The following FGF12 variants were observed in gnomAD, a reference collection of about 807,000 sequenced individuals.
The protein encoded by FGF12 is fibroblast growth factor 12.
Under a neutral mutation model 23.6 loss-of-function variants are expected in FGF12, and 14 were observed. That is an observed-to-expected ratio of 0.59 (90% CI 0.39 to 0.93). The LOEUF is 0.93. Among genes scored for constraint, FGF12 ranks in the 40% least tolerant of loss-of-function variants. The pLI is 0.00. For missense variants in FGF12, 175 were observed against 217.8 expected (o/e 0.80, Z 1.24); for synonymous variants, 62 against 77.3 (o/e 0.80, Z 1.04).
chr3:192,553,896 T>C (rs911323606), intron 2 of FGF12, among the ~76,000 whole-genome samples: 2 of 152,108 alleles, frequency 1.3e-5, no homozygotes, highest in African/African-American at 4.8e-5. Flanking sequence ...ACAAAAGTAA[T>C]GGTTTAGACT....
chr3:192,658,064 C>A (rs1716511600), intron 2 of FGF12, among the ~76,000 whole-genome samples: 1 of 151,874 alleles, frequency 6.6e-6, no homozygotes, highest in Non-Finnish European at 1.5e-5. Context: ...AAAAACAGTA[C>A]ACTGACAGAG....
chr3:192,712,964 G>A lies in FGF12; in HGVS notation c.13+14217C>T, dbSNP rs149833055. On this transcript the variant is annotated intron_variant, in intron 2 of 5. Coordinates refer to ENST00000445105, the MANE Select transcript of FGF12 (RefSeq NM_004113.6). ...ACGATGAAATTGATAGAATATCTGT[G>A]CATCTGAGTGTCTTCAGATGAGATT... is the stretch of plus-strand genomic sequence containing the variant. Among the ~76,000 whole-genome samples, 10 of 152,268 alleles carry A rather than the reference G, an allele frequency of 6.6e-5. 1 individual carries two copies. The East Asian group carries it at 1.9e-3, about 29-fold the overall frequency.
At chr3:192,526,896 C>A (rs1410287819) in intron 2 of FGF12, among the ~76,000 whole-genome samples, 1 of 152,068 alleles carries the variant, frequency 6.6e-6, no homozygotes, top group Non-Finnish European at 1.5e-5. Flanking sequence ...AATGACACAC[C>A]TACCACATGG....
intron 2 of FGF12, among the ~76,000 whole-genome samples, chr3:192,464,757 C>G (rs577682937): frequency 6.6e-6 from 1 of 152,210 alleles, no homozygotes; most frequent in African/African-American, 2.4e-5. Context: ...AACTGGATTA[C>G]AGCTTTTTCC....
intron 2 of FGF12, among the ~76,000 whole-genome samples, chr3:192,466,785 T>TTGTTTCAACTCA (rs1354199823): frequency 6.6e-6 from 1 of 152,042 alleles, no homozygotes; most frequent in African/African-American, 2.4e-5. Context: ...ACTCACAGGG[T>TTGTTTCAACTCA]ATGGAAGAGT....
At chr3:192,195,968 A>G (rs1717047132) in intron 4 of FGF12, among the ~76,000 whole-genome samples, 1 of 152,080 alleles carries the variant, frequency 6.6e-6, no homozygotes, top group Non-Finnish European at 1.5e-5. Flanking sequence ...AACTCCTCCC[A>G]TCTAACTGTA....
intron 4 of FGF12, among the ~76,000 whole-genome samples, chr3:192,221,043 G>T (rs1399585656): frequency 6.6e-6 from 1 of 152,178 alleles, no homozygotes; most frequent in Non-Finnish European, 1.5e-5. Flanking sequence ...ATGAGAGGAT[G>T]GTTTAAAGGG....
chr3:192,183,734 C>T (rs1035208901), intron 4 of FGF12, among the ~76,000 whole-genome samples: 11 of 152,212 alleles, frequency 7.2e-5, no homozygotes, highest in African/African-American at 2.7e-4. Context: ...TGTAGTTTGA[C>T]TCTTCACTTT....
intron 4 of FGF12, among the ~76,000 whole-genome samples, chr3:192,269,871 A>G (rs1257820073): frequency 6.6e-6 from 1 of 152,196 alleles, no homozygotes; most frequent in Admixed American, 6.5e-5. Flanking sequence ...TGATTTTATT[A>G]AGACAAATTT....
Position 192,160,488 on chromosome 3 carries a change from G to C in FGF12, c.427+9970C>G, listed in dbSNP as rs138043229. On this transcript the variant is annotated intron_variant, in intron 5 of 5. Transcript: ENST00000445105. Reference sequence around the variant, plus strand: ...ACTACTAAATTTCATTCAGATTACTGTTCAAACATCATTTACGTCATCTTC... The same window carrying C: ...ACTACTAAATTTCATTCAGATTACTCTTCAAACATCATTTACGTCATCTTC... Among the ~76,000 whole-genome samples, 815 of 152,226 alleles carry C rather than the reference G, an allele frequency of 5.4e-3. 3 individuals carry two copies. The highest frequency in any genetic ancestry group is 0.019 in the African/African-American group (789 of 41,558).
chr3:192,584,123 C>G (rs1174100435), intron 2 of FGF12, among the ~76,000 whole-genome samples: 3 of 152,166 alleles, frequency 2.0e-5, no homozygotes, highest in Non-Finnish European at 2.9e-5. Flanking sequence ...ATTGCCTATG[C>G]TCTGTTTCAG....
chr3:192,233,433 T>A (rs1560202518), intron 4 of FGF12, among the ~76,000 whole-genome samples: 1 of 152,196 alleles, frequency 6.6e-6, no homozygotes, highest in South Asian at 2.1e-4. Flanking sequence ...TTAAGTTTCT[T>A]ACAGATTCTG....
At chr3:192,275,302 A>G (rs1713710665) in intron 4 of FGF12, among the ~76,000 whole-genome samples, 1 of 152,172 alleles carries the variant, frequency 6.6e-6, no homozygotes, top group South Asian at 2.1e-4. Flanking sequence ...AGTTTTAGGT[A>G]CTACGATAAG....
intron 2 of FGF12, among the ~76,000 whole-genome samples, chr3:192,518,202 T>C (rs1724727904): frequency 3.3e-5 from 5 of 152,200 alleles, no homozygotes; most frequent in African/African-American, 1.2e-4. Context: ...AGCCATTCTT[T>C]CTGTTTTCTA....
chr3:192,594,497 G>T (rs1267100301), intron 2 of FGF12, among the ~76,000 whole-genome samples: 4 of 151,794 alleles, frequency 2.6e-5, no homozygotes, highest in South Asian at 2.1e-4. Context: ...ATAGAATATT[G>T]TCTAAAAAAT....
intron 4 of FGF12, among the ~76,000 whole-genome samples, chr3:192,175,579 C>T (rs1454962870): frequency 6.6e-6 from 1 of 152,184 alleles, no homozygotes; most frequent in Non-Finnish European, 1.5e-5. Context: ...TTTGAATGCT[C>T]CCTCTTTTAT....
At chr3:192,710,430 AAG>A (rs1718626051) in intron 2 of FGF12, among the ~76,000 whole-genome samples, 1 of 152,212 alleles carries the variant, frequency 6.6e-6, no homozygotes, top group Non-Finnish European at 1.5e-5. Flanking sequence ...GATGGAACAA[AAG>A]AGAGAGAAGA....
intron 2 of FGF12, among the ~76,000 whole-genome samples, chr3:192,627,536 A>C (rs1715215593): frequency 6.6e-6 from 1 of 152,180 alleles, no homozygotes; most frequent in African/African-American, 2.4e-5. Flanking sequence ...TACTCCCATC[A>C]GTACAGTATA....
At chr3:192,639,998 T>C (rs1428610426) in intron 2 of FGF12, among the ~76,000 whole-genome samples, 2 of 151,086 alleles carry the variant, frequency 1.3e-5, no homozygotes, top group South Asian at 2.1e-4. Flanking sequence ...ATCTCACTTA[T>C]ATGTAGAATT....
Sources: allele counts gnomAD v4.1 joint callset (sites outside exome capture counted in the v4.1 genomes callset), GRCh38; gene constraint gnomAD v4.1.1; transcripts MANE v1.5; gene names NCBI Gene and HGNC (gene_info 2026-07-23, HGNC 2026-07-21).